Variants in GFRA2 observed in about 807,000 individuals in gnomAD.
GFRA2 encodes GDNF family receptor alpha 2, also known as GDNF family receptor alpha-2.
GFRA2 carries 17 observed loss-of-function variants against 48.3 expected under a neutral mutation model. The observed-to-expected ratio is 0.35, with a 90% CI of 0.24 to 0.53. The LOEUF (loss-of-function observed/expected upper bound fraction) is 0.53. Among genes scored for constraint, GFRA2 ranks in the 20% least tolerant of loss-of-function variants. GFRA2 has a pLI of 0.93. For missense variants in GFRA2, 660 were observed against 637.3 expected, an observed-to-expected ratio of 1.04 and a Z score of -0.38; for synonymous variants, 305 against 257.2, an observed-to-expected ratio of 1.19 and a Z score of -1.78.
intron 3 of GFRA2, among the ~76,000 whole-genome samples, chr8:21,759,344 C>G (rs972529201): frequency 6.7e-6 from 1 of 150,328 alleles, no homozygotes; most frequent in Non-Finnish European, 1.5e-5. Context: ...CAAGAACGCA[C>G]CATTGCACTC....
chr8:21,735,002 C>G (rs1371028677), intron 4 of GFRA2, among the ~76,000 whole-genome samples: 1 of 152,182 alleles, frequency 6.6e-6, no homozygotes, highest in Non-Finnish European at 1.5e-5. Flanking sequence ...AAGCCCCCTC[C>G]CCGCTTCAAG....
At chr8:21,783,099 T>C (rs1190708663) in intron 1 of GFRA2, 200 bp from the exon 2 acceptor site, 3 of 701,448 alleles carry the variant, frequency 4.3e-6, no homozygotes, top group Non-Finnish European at 7.8e-6. Flanking sequence ...AGGAGCAAGT[T>C]TTCTCCCTTT....
intron 7 of GFRA2, among the ~76,000 whole-genome samples, chr8:21,696,089 C>T (rs1457276655): frequency 8.6e-6 from 1 of 116,842 alleles, no homozygotes; most frequent in Admixed American, 8.6e-5. Flanking sequence ...CCCCTCTCTC[C>T]CCTCCCCCTC....
intron 7 of GFRA2, 29 bp downstream of exon 7, chr8:21,702,776 C>A (rs1802545126): frequency 6.5e-7 from 1 of 1,545,094 alleles, no homozygotes; most frequent in Admixed American, 2.0e-5. Flanking sequence ...CCATGGTGCT[C>A]CCCCCACGCC....
chr8:21,792,855 G>A (rs1435328811), upstream of GFRA2, among the ~76,000 whole-genome samples: 13 of 152,234 alleles, frequency 8.5e-5, no homozygotes, highest in Admixed American at 4.6e-4. Flanking sequence ...ACCTGAGGTC[G>A]GGAGTTCCAG....
chr8:21,781,949 C>T (rs1807013096), intron 2 of GFRA2, among the ~76,000 whole-genome samples: 1 of 151,696 alleles, frequency 6.6e-6, no homozygotes, highest in Non-Finnish European at 1.5e-5. Flanking sequence ...GCACACTGCC[C>T]CAAGCCCTGT....
At chr8:21,776,474 T>C (rs1372588927) in intron 2 of GFRA2, among the ~76,000 whole-genome samples, 1 of 150,502 alleles carries the variant, frequency 6.6e-6, no homozygotes, top group Non-Finnish European at 1.5e-5. Flanking sequence ...AGACTCTTTT[T>C]TTTTTTTTTT....
chr8:21,772,906 A>C (rs1806507013), intron 3 of GFRA2, among the ~76,000 whole-genome samples: 1 of 152,216 alleles, frequency 6.6e-6, no homozygotes, highest in South Asian at 2.1e-4. Context: ...GGAGCAAGTC[A>C]AAGCTATTTA....
At chr8:21,730,669 A>C (rs1286552393) in intron 4 of GFRA2, among the ~76,000 whole-genome samples, 1 of 152,176 alleles carries the variant, frequency 6.6e-6, no homozygotes, top group East Asian at 1.9e-4. Context: ...TCAGAAACAC[A>C]CACAGTCCAC....
At chr8:21,712,007 C>G (rs931873067) in intron 4 of GFRA2, among the ~76,000 whole-genome samples, 1 of 152,232 alleles carries the variant, frequency 6.6e-6, no homozygotes, top group African/African-American at 2.4e-5. Flanking sequence ...GGTAAGGTCA[C>G]AGATCAACAG....
At chr8:21,771,564 G>A (rs1400876123) in intron 3 of GFRA2, among the ~76,000 whole-genome samples, 1 of 152,194 alleles carries the variant, frequency 6.6e-6, no homozygotes, top group East Asian at 1.9e-4. Context: ...GGACATTGGA[G>A]GGTGTTGCAG....
intron 1 of GFRA2, among the ~76,000 whole-genome samples, chr8:21,809,489 TA>T (rs1176688734): frequency 1.0e-5 from 1 of 96,456 alleles, no homozygotes; most frequent in Non-Finnish European, 1.8e-5. Context: ...CATGCCCAGC[TA>T]TTTTTTTTTT....
intron 4 of GFRA2, among the ~76,000 whole-genome samples, chr8:21,724,714 C>T (rs115401999): frequency 0.018 from 2,806 of 152,266 alleles, 84 homozygotes; most frequent in African/African-American, 0.064. Context: ...ATAGAAACAA[C>T]ATAAAGGAGA....
At chr8:21,694,285 C>T (rs1340635575) in intron 8 of GFRA2, among the ~76,000 whole-genome samples, 179 bp downstream of exon 8, 5 of 151,706 alleles carry the variant, frequency 3.3e-5, no homozygotes, top group African/African-American at 9.7e-5. Flanking sequence ...GCCCTGGATG[C>T]AGCCTTCGCA....
intron 2 of GFRA2, among the ~76,000 whole-genome samples, chr8:21,778,846 C>T (rs1806836049): frequency 6.6e-6 from 1 of 151,960 alleles, no homozygotes. Context: ...ATGATCTTGC[C>T]ACTGCACTCC....
At chr8:21,741,775 A>G (rs1804754965) in intron 4 of GFRA2, among the ~76,000 whole-genome samples, 1 of 152,076 alleles carries the variant, frequency 6.6e-6, no homozygotes, top group African/African-American at 2.4e-5. Flanking sequence ...TACAAAAATT[A>G]GCCAGGTGTG....
At chr8:21,754,503 T>G (rs1241581173) in intron 3 of GFRA2, among the ~76,000 whole-genome samples, 1 of 141,354 alleles carries the variant, frequency 7.1e-6, no homozygotes, top group Admixed American at 7.1e-5. Context: ...GTCTTTTTTT[T>G]TCTTTTTTTT....
Position 21,802,878 on chromosome 8 carries a change from A to G in GFRA2, c.-36+2139T>C, listed in dbSNP as rs1248127935. On this transcript the variant is annotated intron_variant, in intron 2 of 10. Transcript: ENST00000517328. ...TAAGCTCTTCCCAGGAGGTACTTCC[A>G]TATACATAGTTGTTCTAGATATCCA... is the stretch of plus-strand genomic sequence containing the variant. 4.6e-5 allele frequency among the ~76,000 whole-genome samples: 7 copies of G among 152,246 alleles called. No homozygotes were observed. In the South Asian group the frequency reaches 1.2e-3, roughly 27 times the overall value.
At chr8:21,803,139 G>A (rs1284068013) in intron 2 of GFRA2, among the ~76,000 whole-genome samples, 3 of 152,228 alleles carry the variant, frequency 2.0e-5, no homozygotes, top group African/African-American at 7.2e-5. Context: ...AGGGGCCTCT[G>A]CTCCACACGG....
Sources: allele counts gnomAD v4.1 joint callset (sites outside exome capture counted in the v4.1 genomes callset), GRCh38; gene constraint gnomAD v4.1.1; transcripts MANE v1.5; gene names NCBI Gene and HGNC (gene_info 2026-07-23, HGNC 2026-07-21).